PCDHA2: variants seen among roughly 807,000 people sequenced by gnomAD.
The protein encoded by PCDHA2 is protocadherin alpha-2.
In PCDHA2, 58 loss-of-function variants were observed where a neutral mutation model predicts 66.0. The ratio of observed to expected loss-of-function variants is 0.88; its 90% confidence interval spans 0.71 to 1.09. The LOEUF (loss-of-function observed/expected upper bound fraction) is 1.09. PCDHA2 is among the 50% of genes least tolerant of loss of function. The pLI, the probability that PCDHA2 is intolerant of heterozygous loss-of-function variation, is 0.00. For missense variants in PCDHA2, 1,267 were observed against 1,242.3 expected (o/e 1.02, Z -0.30); for synonymous variants, 634 against 554.0 (o/e 1.14, Z -2.03).
intron 1 of PCDHA2, among the ~76,000 whole-genome samples, chr5:140,919,265 T>A (rs534045587): frequency 4.3e-4 from 66 of 152,394 alleles, no homozygotes. Flanking sequence ...GATATTAGTG[T>A]AGTCACTCCA....
chr5:140,954,652 T>C (rs541171307), intron 1 of PCDHA2, among the ~76,000 whole-genome samples: 24 of 152,356 alleles, frequency 1.6e-4, no homozygotes, highest in African/African-American at 5.8e-4. Flanking sequence ...TTTAAGTTCC[T>C]TGTAGACTCT....
At chr5:140,977,107 T>C (rs1419522797) in intron 1 of PCDHA2, among the ~76,000 whole-genome samples, 2 of 152,166 alleles carry the variant, frequency 1.3e-5, no homozygotes, top group Non-Finnish European at 2.9e-5. Flanking sequence ...GGAAGTGAGA[T>C]TGTATAATGA....
intron 1 of PCDHA2, chr5:140,927,691 G>C (rs782046420): frequency 6.2e-7 from 1 of 1,614,072 alleles, no homozygotes; most frequent in African/African-American, 1.3e-5. Flanking sequence ...GTCCAATGGG[G>C]AAGTCCAGTA....
intron 1 of PCDHA2, among the ~76,000 whole-genome samples, chr5:140,913,322 T>G (rs1348973730): frequency 6.6e-6 from 1 of 152,190 alleles, no homozygotes; most frequent in Non-Finnish European, 1.5e-5. Context: ...GTAAGTTGTA[T>G]GTGTCTAGGA....
In PCDHA2 at chr5:140,877,149, C is replaced by G. The variant is rs2056888845; in HGVS notation, c.2388+79797C>G. The G allele has an allele frequency of 2.5e-6, 4 of 1,613,648 alleles. No individual in the cohort carries two copies. The highest frequency in any genetic ancestry group is 1.1e-5 in the South Asian group (1 of 91,078). On this transcript the variant is annotated intron_variant, in intron 1 of 3. Coordinates refer to ENST00000526136, the MANE Select transcript of PCDHA2 (RefSeq NM_018905.3). ...TGCAGGTGTTCGTGCTGGACGAGAA[C>G]GACAACGCGCCGGCACTGCTGGCGA... is the stretch of plus-strand genomic sequence containing the variant.
intron 1 of PCDHA2, chr5:140,828,292 C>G: frequency 6.2e-7 from 1 of 1,614,100 alleles, no homozygotes; most frequent in Non-Finnish European, 8.5e-7. Flanking sequence ...TCAGGATGGC[C>G]TCCAAAGACC....
At chr5:140,845,368 C>A (rs1281318130) in intron 1 of PCDHA2, among the ~76,000 whole-genome samples, 1 of 149,482 alleles carries the variant, frequency 6.7e-6, no homozygotes, top group African/African-American at 2.4e-5. Context: ...TACAAAATAT[C>A]ATAAATAGGA....
chr5:140,841,002 A>G (rs1288568403), intron 1 of PCDHA2, among the ~76,000 whole-genome samples: 1 of 152,084 alleles, frequency 6.6e-6, no homozygotes, highest in African/African-American at 2.4e-5. Flanking sequence ...TAATGTAAGG[A>G]GCCAGACAGT....
intron 1 of PCDHA2, chr5:140,883,561 C>T: frequency 1.2e-6 from 2 of 1,614,156 alleles, no homozygotes; most frequent in Non-Finnish European, 1.7e-6. Flanking sequence ...GGGACGGGGG[C>T]TCGCCTTCGC....
At chr5:140,808,306 C>A (rs1210807010) in intron 1 of PCDHA2, 4 of 1,614,254 alleles carry the variant, frequency 2.5e-6, no homozygotes, top group East Asian at 4.5e-5. Flanking sequence ...CCCTGATCAG[C>A]GTGTCCGACA....
At chr5:141,000,095 T>G (rs1299354306) in intron 3 of PCDHA2, among the ~76,000 whole-genome samples, 1 of 152,044 alleles carries the variant, frequency 6.6e-6, no homozygotes, top group Non-Finnish European at 1.5e-5. Flanking sequence ...TGAATGGAGC[T>G]CAACTCCGTC....
chr5:140,884,654 T>C, intron 1 of PCDHA2: 1 of 1,602,858 alleles, frequency 6.2e-7, no homozygotes, highest in South Asian at 1.1e-5. Context: ...CTCAGAATGC[T>C]TGAAAGAGGT....
In PCDHA2 at chr5:140,796,802, T is replaced by G. The variant is rs145760272; in HGVS notation, c.1838T>G (p.Leu613Arg). 2.0e-5 allele frequency: 32 copies of G among 1,613,992 alleles called. No individual in the cohort carries two copies. In the African/African-American group the frequency reaches 4.1e-4, roughly 21 times the overall value. ...YNAWLSYELQ[L>R]GTGSARIPFR... ...GCGTGGCTTTCGTACGAGCTTCAGCTGGGTACTGGCAGCGCTCGCATCCCG... is the reference window on the plus strand; with the variant it reads ...GCGTGGCTTTCGTACGAGCTTCAGCGGGGTACTGGCAGCGCTCGCATCCCG... Residue 613 changes from leucine (L) to arginine (R), a missense_variant, in exon 1 of 4, where the codon CTG (leucine) becomes CGG (arginine). Transcript: ENST00000526136.
intron 1 of PCDHA2, chr5:140,829,487 G>A (rs2150168729): frequency 6.2e-7 from 1 of 1,613,742 alleles, no homozygotes; most frequent in East Asian, 2.2e-5. Flanking sequence ...GTTCGTGAAG[G>A]AGAACAACCC....
At chr5:140,820,015 A>G (rs1338632011) in intron 1 of PCDHA2, among the ~76,000 whole-genome samples, 1 of 151,992 alleles carries the variant, frequency 6.6e-6, no homozygotes, top group Non-Finnish European at 1.5e-5. Context: ...AATTTATTCC[A>G]TAGCTTTGTA....
intron 1 of PCDHA2, chr5:140,801,057 A>C (rs1762630900): frequency 6.9e-7 from 1 of 1,449,086 alleles, no homozygotes; most frequent in East Asian, 2.4e-5. Flanking sequence ...AACAGCGTGC[A>C]TTACGTATTC....
chr5:140,797,172 G>A lies in PCDHA2; in HGVS notation c.2208G>A (p.Lys736=), dbSNP rs1762193283. The change falls in exon 1 of 4, where the codon AAG becomes AAA. Residue 736 remains lysine, a synonymous_variant. Transcript: ENST00000526136. The part of the protein sequence containing the change: ...PPTEGARAPG[K]PTLVCSSAVG... The stretch of plus-strand genomic sequence containing the variant: ...CCGAGGGTGCGCGCGCGCCAGGAAA[G>A]CCCACGCTGGTGTGCTCCAGCGCCG... 4 of 1,614,118 alleles carry A rather than the reference G, an allele frequency of 2.5e-6. No individual in the cohort carries two copies. Among genetic ancestry groups the A allele is most frequent in the Non-Finnish European group, 3.4e-6 (4 of 1,180,030 alleles).
At chr5:140,830,446 G>A in intron 1 of PCDHA2, 2 of 1,603,094 alleles carry the variant, frequency 1.2e-6, no homozygotes, top group Non-Finnish European at 1.7e-6. Flanking sequence ...TGATGGGTAA[G>A]GCGGAGAATC....
chr5:140,802,759 A>G (rs782279296), intron 1 of PCDHA2: 1 of 1,612,760 alleles, frequency 6.2e-7, no homozygotes, highest in South Asian at 1.1e-5. Flanking sequence ...TACGCGCTGC[A>G]GCCGCTGGAC....
Sources: allele counts gnomAD v4.1 joint callset (sites outside exome capture counted in the v4.1 genomes callset), GRCh38; gene constraint gnomAD v4.1.1; transcripts MANE v1.5; gene names NCBI Gene and HGNC (gene_info 2026-07-23, HGNC 2026-07-21).